IQCK: variants seen among roughly 807,000 people sequenced by gnomAD.
The protein encoded by IQCK is IQ domain-containing protein K.
A neutral mutation model predicts 28.1 loss-of-function variants in IQCK; 29 were observed. That is an observed-to-expected ratio of 1.03 (90% CI 0.77 to 1.41). The LOEUF (loss-of-function observed/expected upper bound fraction) is 1.41. Ranked by LOEUF, IQCK falls within the 40% of genes most tolerant of loss-of-function variation. IQCK has a pLI of 0.00. For missense variants in IQCK, 359 were observed against 314.7 expected, an observed-to-expected ratio of 1.14 and a Z score of -1.07; for synonymous variants, 113 against 115.1, an observed-to-expected ratio of 0.98 and a Z score of 0.12.
At chr16:19,819,910 G>T (rs1452391793) in intron 7 of IQCK, among the ~76,000 whole-genome samples, 1 of 151,564 alleles carries the variant, frequency 6.6e-6, no homozygotes, top group African/African-American at 2.4e-5. Flanking sequence ...TGTGGGAAAA[G>T]AATTAAGAGT....
At chr16:19,826,415 G>T (rs545034784) in intron 7 of IQCK, among the ~76,000 whole-genome samples, 3 of 152,230 alleles carry the variant, frequency 2.0e-5, no homozygotes, top group South Asian at 4.2e-4. Flanking sequence ...TTTCTCTCTT[G>T]TCGCCCAGGC....
intron 6 of IQCK, among the ~76,000 whole-genome samples, chr16:19,782,196 T>A (rs887997498): frequency 6.6e-6 from 1 of 151,726 alleles, no homozygotes; most frequent in Admixed American, 6.6e-5. Context: ...TGCTTTCATG[T>A]TCCAAGAAAA....
chr16:19,849,761 T>C lies in IQCK; in HGVS notation c.803-6726T>C, dbSNP rs2141121935. 1.4e-5 allele frequency among the ~76,000 whole-genome samples: 2 copies of C among 144,942 alleles called. 1 individual carries two copies. Among genetic ancestry groups the C allele is most frequent in the South Asian group, 4.3e-4 (2 of 4,668 alleles). ...GGGCAACAGAATGACACCCTGTCTC[T>C]GAAAAAAAAAAAGAAAAAGAAAAGA... On this transcript the variant is annotated intron_variant, in intron 9 of 9. Coordinates refer to the IQCK transcript ENST00000320394.
At chr16:19,826,955 C>A in intron 7 of IQCK, 71 bp from the exon 8 acceptor site, 1 of 951,256 alleles carries the variant, frequency 1.1e-6, no homozygotes, top group Non-Finnish European at 1.7e-6. Context: ...AAGGATTTTC[C>A]ATGCAGGGTT....
At chr16:19,727,130 C>CAAA (rs540006290) in intron 1 of IQCK, among the ~76,000 whole-genome samples, 4 of 98,926 alleles carry the variant, frequency 4.0e-5, no homozygotes, top group African/African-American at 1.4e-4. Context: ...GACTCGGTCT[C>CAAA]AAAAAAAAAA....
chr16:19,851,035 G>C (rs922471422), intron 9 of IQCK, among the ~76,000 whole-genome samples: 29 of 152,110 alleles, frequency 1.9e-4, no homozygotes, highest in African/African-American at 7.0e-4. Context: ...ATAAAAACGC[G>C]AATAATAATA....
At chr16:19,856,847 A>C in exon 10 of IQCK, 2 of 318,350 alleles carry the variant, frequency 6.3e-6, no homozygotes, top group Non-Finnish European at 1.2e-5. Flanking sequence ...TGTACAATGA[A>C]CTCTAGTCCC....
In IQCK at chr16:19,743,160, G is replaced by A. The variant is rs568299188; in HGVS notation, c.474+7710G>A. On this transcript the variant is annotated intron_variant, in intron 4 of 7. Transcript: ENST00000564186. ...CCCTCCAGCCTGGGTGGCAGAGTGA[G>A]ATTCTGTCTCAAATAAATAAATAAA... Among the ~76,000 whole-genome samples the A allele has an allele frequency of 5.5e-4, 83 of 151,368 alleles. No homozygotes were observed. In the East Asian group the frequency reaches 0.011, roughly 19 times the overall value.
chr16:19,743,142 G>T (rs906852073), intron 4 of IQCK, among the ~76,000 whole-genome samples: 2 of 152,138 alleles, frequency 1.3e-5, no homozygotes, highest in Admixed American at 1.3e-4. Flanking sequence ...CTGCCCTCCA[G>T]CCTGGGTGGC....
intron 7 of IQCK, among the ~76,000 whole-genome samples, chr16:19,808,582 C>T (rs1471532150): frequency 2.0e-5 from 3 of 152,128 alleles, no homozygotes; most frequent in Admixed American, 2.0e-4. Flanking sequence ...ATTCTAGTTC[C>T]TAGGGTGGTT....
At chr16:19,793,678 A>G (rs1431947851) in intron 7 of IQCK, among the ~76,000 whole-genome samples, 1 of 63,100 alleles carries the variant, frequency 1.6e-5, no homozygotes, top group African/African-American at 6.5e-5. Flanking sequence ...TTTTTTGTGA[A>G]ATTAACAAGC....
intron 4 of IQCK, among the ~76,000 whole-genome samples, chr16:19,740,434 C>T (rs183613159): frequency 4.6e-5 from 7 of 152,292 alleles, no homozygotes; most frequent in Non-Finnish European, 8.8e-5. Flanking sequence ...GGTCCCAGAG[C>T]AGACCTTCAG....
chr16:19,853,630 CTCTCTCTCTTTTT>C (rs2056514405), intron 9 of IQCK, among the ~76,000 whole-genome samples: 1 of 152,110 alleles, frequency 6.6e-6, no homozygotes, highest in Non-Finnish European at 1.5e-5. Flanking sequence ...CCAGCTATCT[CTCTCTCTCTTTTT>C]CTTTTTTTGA....
At chr16:19,779,810 T>C (rs1243243185) in intron 6 of IQCK, among the ~76,000 whole-genome samples, 3 of 150,980 alleles carry the variant, frequency 2.0e-5, no homozygotes, top group East Asian at 1.9e-4. Flanking sequence ...TTCCGCCTCC[T>C]GGGTTCACGC....
intron 9 of IQCK, among the ~76,000 whole-genome samples, chr16:19,854,509 C>G (rs934808627): frequency 4.6e-5 from 7 of 152,156 alleles, no homozygotes; most frequent in Non-Finnish European, 8.8e-5. Context: ...GGAAAAGGGC[C>G]CTGAATTTGC....
chr16:19,763,614 T>C (rs1254849930), intron 4 of IQCK, among the ~76,000 whole-genome samples: 1 of 152,154 alleles, frequency 6.6e-6, no homozygotes, highest in Non-Finnish European at 1.5e-5. Context: ...GGCTAATTTT[T>C]GTATTTTTAG....
intron 4 of IQCK, among the ~76,000 whole-genome samples, chr16:19,743,852 C>T (rs1231823580): frequency 2.6e-5 from 4 of 152,184 alleles, no homozygotes; most frequent in African/African-American, 9.7e-5. Context: ...GTTGTCCTGC[C>T]AGTACCATGA....
intron 9 of IQCK, among the ~76,000 whole-genome samples, chr16:19,852,872 T>C (rs1029047973): frequency 6.6e-6 from 1 of 152,184 alleles, no homozygotes; most frequent in Admixed American, 6.5e-5. Context: ...TCTGCCCGCC[T>C]CAGCCTCCCA....
intron 9 of IQCK, among the ~76,000 whole-genome samples, chr16:19,842,849 A>G (rs981493715): frequency 2.0e-5 from 3 of 152,230 alleles, no homozygotes; most frequent in Admixed American, 1.3e-4. Context: ...ATGTAAATAC[A>G]TTCAGGAGGA....
Sources: allele counts gnomAD v4.1 joint callset (sites outside exome capture counted in the v4.1 genomes callset), GRCh38; gene constraint gnomAD v4.1.1; transcripts MANE v1.5; gene names NCBI Gene and HGNC (gene_info 2026-07-23, HGNC 2026-07-21).